Variants in NOL4 observed in about 807,000 individuals in gnomAD.
The protein encoded by NOL4 is nucleolar protein 4.
Under a neutral mutation model 75.9 loss-of-function variants are expected in NOL4, and 17 were observed. That is an observed-to-expected ratio of 0.22 (90% CI 0.15 to 0.34). NOL4 has a LOEUF of 0.34. NOL4 is among the 10% of genes least tolerant of loss of function. NOL4 has a pLI of 1.00. For missense variants in NOL4, 614 were observed against 793.5 expected, an observed-to-expected ratio of 0.77 and a Z score of 2.72; for synonymous variants, 292 against 289.9, an observed-to-expected ratio of 1.01 and a Z score of -0.07.
chr18:34,037,175 A>G (rs2075945571), intron 5 of NOL4, among the ~76,000 whole-genome samples: 1 of 152,160 alleles, frequency 6.6e-6, no homozygotes, highest in Admixed American at 6.5e-5. Flanking sequence ...TTCCACTTAC[A>G]ATAGCTACAA....
chr18:34,175,563 C>T (rs1277380135), intron 1 of NOL4, among the ~76,000 whole-genome samples: 1 of 152,096 alleles, frequency 6.6e-6, no homozygotes, highest in East Asian at 1.9e-4. Context: ...GCTTTCACCT[C>T]TGACTGAACT....
At chr18:33,946,454 C>CT (rs1476989755) in intron 8 of NOL4, among the ~76,000 whole-genome samples, 1 of 151,742 alleles carries the variant, frequency 6.6e-6, no homozygotes, top group Non-Finnish European at 1.5e-5. Flanking sequence ...GATTATGCAA[C>CT]TTGCTCACAA....
intron 1 of NOL4, among the ~76,000 whole-genome samples, chr18:34,139,313 T>C (rs1282201628): frequency 6.6e-6 from 1 of 152,146 alleles, no homozygotes; most frequent in Non-Finnish European, 1.5e-5. Context: ...GTCCTGGACT[T>C]TTTTTGGTTG....
At chr18:34,073,581 G>A (rs945100675) in intron 5 of NOL4, among the ~76,000 whole-genome samples, 4 of 151,998 alleles carry the variant, frequency 2.6e-5, no homozygotes, top group African/African-American at 7.2e-5. Flanking sequence ...TACATGTTCA[G>A]TACAGAGACA....
At chr18:34,078,395 G>C (rs1273768475) in intron 5 of NOL4, among the ~76,000 whole-genome samples, 2 of 152,140 alleles carry the variant, frequency 1.3e-5, no homozygotes, top group African/African-American at 4.8e-5. Context: ...AAAATGTAAA[G>C]GATGTCTTTA....
intron 1 of NOL4, among the ~76,000 whole-genome samples, chr18:34,203,542 T>C (rs2035887877): frequency 1.3e-5 from 2 of 151,606 alleles, no homozygotes; most frequent in South Asian, 4.2e-4. Context: ...GCTTTGAAAA[T>C]TGTTACCATT....
Position 34,223,455 on chromosome 18 carries a change from C to A in NOL4, c.-202G>T. ...ACCAGCAATCAATGCCCCGTGCTAC[C>A]AAGTCTGGTCCATTCGTAATTGCAA... On this transcript the variant is annotated 5_prime_UTR_variant, in exon 1 of 11. Coordinates refer to ENST00000261592, the MANE Select transcript of NOL4 (RefSeq NM_003787.5). The A allele has an allele frequency of 1.5e-6, 1 of 645,822 alleles. No homozygotes were observed. The highest frequency in any genetic ancestry group is 2.6e-6 in the Non-Finnish European group (1 of 380,936). 40.0% of individuals were successfully genotyped at this position (645,822 alleles called of 1,614,324 possible).
chr18:33,940,465 C>T (rs371270135), intron 9 of NOL4, among the ~76,000 whole-genome samples: 18 of 152,030 alleles, frequency 1.2e-4, no homozygotes, highest in South Asian at 6.2e-4. Flanking sequence ...AAACCAAACA[C>T]GCATGTTCTC....
chr18:33,977,543 A>G (rs939572813), intron 6 of NOL4, among the ~76,000 whole-genome samples: 2 of 152,154 alleles, frequency 1.3e-5, no homozygotes, highest in Non-Finnish European at 2.9e-5. Context: ...CTGTAAGTAC[A>G]TTAAACCACA....
At chr18:33,996,472 CA>C (rs2073294134) in intron 6 of NOL4, among the ~76,000 whole-genome samples, 1 of 151,626 alleles carries the variant, frequency 6.6e-6, no homozygotes. Flanking sequence ...AGGTTTGTTA[CA>C]AAGGCATATT....
At chr18:33,867,635 T>C (rs945349916) in intron 10 of NOL4, among the ~76,000 whole-genome samples, 1 of 117,324 alleles carries the variant, frequency 8.5e-6, no homozygotes, top group East Asian at 2.7e-4. Flanking sequence ...AAGACTCTAA[T>C]GTGTGTGTAT....
intron 1 of NOL4, among the ~76,000 whole-genome samples, chr18:34,194,768 T>C (rs1237437859): frequency 2.0e-5 from 3 of 152,144 alleles, no homozygotes; most frequent in African/African-American, 7.2e-5. Flanking sequence ...CTCACGCATG[T>C]AATCCCTGCA....
intron 5 of NOL4, among the ~76,000 whole-genome samples, chr18:34,064,300 C>T (rs1263825581): frequency 6.6e-6 from 1 of 151,912 alleles, no homozygotes; most frequent in African/African-American, 2.4e-5. Context: ...AAAATGAAAG[C>T]TACAACAAAG....
intron 5 of NOL4, among the ~76,000 whole-genome samples, chr18:34,062,760 GA>G (rs1182779875): frequency 6.6e-6 from 1 of 152,048 alleles, no homozygotes; most frequent in Non-Finnish European, 1.5e-5. Flanking sequence ...TATTGTCATA[GA>G]AGAAAGCCAC....
At chr18:33,987,742 C>T (rs560245985) in intron 6 of NOL4, among the ~76,000 whole-genome samples, 2 of 152,054 alleles carry the variant, frequency 1.3e-5, no homozygotes, top group Non-Finnish European at 2.9e-5. Context: ...TGAATCTAAA[C>T]ACTGTTCTTT....
intron 6 of NOL4, among the ~76,000 whole-genome samples, chr18:33,974,757 CA>C (rs199825605): frequency 6.8e-5 from 10 of 147,552 alleles, no homozygotes; most frequent in Middle Eastern, 3.4e-3. Flanking sequence ...CTTAAATTTG[CA>C]AAAAAAAAAT....
intron 10 of NOL4, among the ~76,000 whole-genome samples, chr18:33,882,295 C>T (rs1358787717): frequency 6.6e-6 from 1 of 151,914 alleles, no homozygotes; most frequent in Non-Finnish European, 1.5e-5. Context: ...AAAATTTTTG[C>T]AACCTACTCA....
chr18:33,944,847 T>C (rs1032987015), intron 8 of NOL4, among the ~76,000 whole-genome samples: 3 of 151,882 alleles, frequency 2.0e-5, no homozygotes, highest in Non-Finnish European at 2.9e-5. Flanking sequence ...CTTCACTAAG[T>C]ATAAAGAAAA....
intron 1 of NOL4, among the ~76,000 whole-genome samples, chr18:34,183,304 G>C (rs934074330): frequency 6.6e-6 from 1 of 151,782 alleles, no homozygotes; most frequent in Non-Finnish European, 1.5e-5. Flanking sequence ...GTGTTCAATA[G>C]CCCTATTCAT....
Sources: gnomAD v4.1 joint callset for allele counts (sites outside exome capture counted in the v4.1 genomes callset) on GRCh38, gnomAD v4.1.1 for gene constraint, MANE v1.5 for transcripts, NCBI Gene and HGNC (gene_info 2026-07-23, HGNC 2026-07-21) for gene names.